Variants in STAG2 observed in about 807,000 individuals in gnomAD.
The protein encoded by STAG2 is cohesin subunit SA-2.
A neutral mutation model predicts 108.1 loss-of-function variants in STAG2; 14 were observed. The ratio of observed to expected loss-of-function variants is 0.13; its 90% CI spans 0.09 to 0.20. STAG2 has a LOEUF of 0.20. Among genes scored for constraint, STAG2 ranks in the 10% least tolerant of loss-of-function variants. The pLI is 1.00. For missense variants in STAG2, 440 were observed against 940.9 expected, an observed-to-expected ratio of 0.47 and a Z score of 6.96; for synonymous variants, 307 against 302.7, an observed-to-expected ratio of 1.01 and a Z score of -0.15.
intron 6 of STAG2, among the ~76,000 whole-genome samples, chrX:124,039,137 TTTATTA>T (rs4028223): frequency 3.3e-4 from 31 of 94,082 alleles, no homozygotes; most frequent in East Asian, 3.0e-3. Flanking sequence ...TCCCCTTTTA[TTTATTA>T]TTATTATTAT....
chrX:124,041,534 C>T (rs1179959446), intron 6 of STAG2, among the ~76,000 whole-genome samples: 2 of 110,839 alleles, frequency 1.8e-5, no homozygotes, highest in Admixed American at 9.6e-5. Flanking sequence ...CTTCTTGTAC[C>T]AAGACATTCT....
chrX:124,080,859 G>A (rs903546640), intron 27 of STAG2, among the ~76,000 whole-genome samples: 2 of 111,636 alleles, frequency 1.8e-5, no homozygotes, highest in Admixed American at 9.5e-5. Flanking sequence ...CCTTGTTTAC[G>A]CTGAGGTTTT....
intron 24 of STAG2, 85 bp from the exon 25 acceptor site, chrX:124,071,064 G>A (rs2148370850): frequency 1.4e-6 from 1 of 737,490 alleles, no homozygotes; most frequent in Middle Eastern, 3.3e-4. Flanking sequence ...TTCTGTTTCT[G>A]TGTTAAATAT....
At chrX:124,006,337 G>T (rs905173961) in intron 1 of STAG2, among the ~76,000 whole-genome samples, 1 of 111,421 alleles carries the variant, frequency 9.0e-6, no homozygotes, top group Non-Finnish European at 1.9e-5. Flanking sequence ...TTAAAGAAAC[G>T]TCTAAGCTCT....
chrX:123,998,411 T>G (rs1250392402), intron 1 of STAG2, among the ~76,000 whole-genome samples: 4 of 106,611 alleles, frequency 3.8e-5, no homozygotes, highest in Non-Finnish European at 7.7e-5. Context: ...CCTCAAGTAA[T>G]CCACCCGTCT....
At chrX:124,041,758 C>T (rs1013239547) in intron 6 of STAG2, among the ~76,000 whole-genome samples, 2 of 111,677 alleles carry the variant, frequency 1.8e-5, no homozygotes, top group African/African-American at 6.5e-5. Flanking sequence ...TTGGTCTCCA[C>T]CTGACTAATG....
At position 124,000,525 on chromosome X, in the gene STAG2, A is replaced by G. The variant is rs1221091678; in HGVS notation, c.-162-20842A>G. 3.6e-5 allele frequency among the ~76,000 whole-genome samples: 4 copies of G among 109,656 alleles called. No homozygotes were observed. In the Admixed American group the frequency reaches 3.9e-4, roughly 11 times the overall value. ...TCTTTACAAGAAAAATACCCAAAAA[A>G]ATTAGCCAGACATGGTGGTGCATGC... On this transcript the variant is annotated intron_variant, in intron 1 of 34. Coordinates refer to ENST00000371145, the MANE Select transcript of STAG2 (RefSeq NM_001042750.2).
chrX:124,028,596 C>T (rs899300731), intron 4 of STAG2, among the ~76,000 whole-genome samples: 2 of 109,280 alleles, frequency 1.8e-5, no homozygotes, highest in African/African-American at 6.7e-5. Context: ...TCAGGTGTTC[C>T]CCTTCAGGGA....
At chrX:124,037,743 C>A in intron 6 of STAG2, 120 bp downstream of exon 6, 1 of 275,464 alleles carries the variant, frequency 3.6e-6, no homozygotes, top group Non-Finnish European at 6.3e-6. Flanking sequence ...TGCATCATAT[C>A]CATATAAAAT....
chrX:124,035,185 A>G (rs897520510), intron 5 of STAG2, among the ~76,000 whole-genome samples: 2 of 111,516 alleles, frequency 1.8e-5, no homozygotes, highest in African/African-American at 6.5e-5. Context: ...ACTGGTTGTT[A>G]TGTTTTAAGA....
intron 1 of STAG2, among the ~76,000 whole-genome samples, chrX:123,971,257 C>T (rs921393624): frequency 1.8e-5 from 2 of 111,107 alleles, no homozygotes; most frequent in East Asian, 2.8e-4. Context: ...GGTGAAACCC[C>T]GTCTCTACTA....
In STAG2 at chrX:124,000,472, T is replaced by C. The variant is rs369105058; in HGVS notation, c.-162-20895T>C. 1.2e-4 allele frequency among the ~76,000 whole-genome samples: 13 copies of C among 110,602 alleles called. No homozygotes were observed. The East Asian group carries it at 3.7e-3, about 31-fold the overall frequency. ...ATCAGTTGAGCCCAGGAGCTTGAGA[T>C]CATCCTGGGCAACATAGTGAGATGC... On this transcript the variant is annotated intron_variant, in intron 1 of 34. Coordinates refer to ENST00000371145, the MANE Select transcript of STAG2 (RefSeq NM_001042750.2).
intron 1 of STAG2, among the ~76,000 whole-genome samples, chrX:123,972,866 CAAAAAAAA>C (rs747333406): frequency 4.6e-5 from 1 of 21,934 alleles, no homozygotes; most frequent in Non-Finnish European, 7.3e-5. Flanking sequence ...ACCAAAAATA[CAAAAAAAA>C]AAAAAAAAAA....
upstream of STAG2, chrX:123,961,151 A>G (rs1448618243): frequency 4.7e-5 from 4 of 85,354 alleles, no homozygotes; most frequent in Admixed American, 1.4e-4. Flanking sequence ...CGCTACCCCA[A>G]CACTTCCAAG....
intron 1 of STAG2, among the ~76,000 whole-genome samples, chrX:123,993,842 A>G (rs2055599642): frequency 9.0e-6 from 1 of 111,576 alleles, no homozygotes; most frequent in South Asian, 3.7e-4. Flanking sequence ...TATGATTTTT[A>G]TGCATATTGG....
intron 6 of STAG2, among the ~76,000 whole-genome samples, chrX:124,040,283 T>C (rs2057668285): frequency 1.8e-5 from 2 of 111,673 alleles, no homozygotes; most frequent in Non-Finnish European, 3.8e-5. Flanking sequence ...TCCTGACTGC[T>C]CCGTTGGTGA....
At chrX:124,069,705 AT>A (rs909036009) in intron 24 of STAG2, among the ~76,000 whole-genome samples, 27 of 111,022 alleles carry the variant, frequency 2.4e-4, no homozygotes, top group Non-Finnish European at 4.7e-4. Context: ...GAATTTTGCT[AT>A]TTTTTTCCAA....
chrX:124,060,815 A>G (rs2058354473), intron 15 of STAG2, among the ~76,000 whole-genome samples: 1 of 108,248 alleles, frequency 9.2e-6, no homozygotes, highest in Non-Finnish European at 1.9e-5. Flanking sequence ...TCCTAGCTAC[A>G]TGGGAGGCTG....
chrX:124,071,347 T>C (rs1569517812), intron 25 of STAG2, 24 bp downstream of exon 25: 1 of 1,109,340 alleles, frequency 9.0e-7, no homozygotes, highest in East Asian at 3.2e-5. Flanking sequence ...CATCTTTTTA[T>C]TAAATCTGTG....
Sources: allele counts gnomAD v4.1 joint callset (sites outside exome capture counted in the v4.1 genomes callset), GRCh38; gene constraint gnomAD v4.1.1; transcripts MANE v1.5; gene names NCBI Gene and HGNC (gene_info 2026-07-23, HGNC 2026-07-21).